Variants in EMSY observed in about 807,000 individuals in gnomAD.
EMSY encodes BRCA2-interacting transcriptional repressor EMSY.
EMSY carries 26 observed loss-of-function variants against 134.6 expected under a neutral mutation model. The ratio of observed to expected loss-of-function variants is 0.19; its 90% CI spans 0.14 to 0.27. The LOEUF is 0.27. Among genes scored for constraint, EMSY ranks in the 10% least tolerant of loss-of-function variants. The probability of loss-of-function intolerance (pLI) is 1.00; values close to 1 mark genes in which losing one functional copy is unlikely to be tolerated. For synonymous variants in EMSY, 579 were observed against 577.8 expected, an observed-to-expected ratio of 1.00 and a Z score of -0.03; for missense variants, 1,305 against 1,611.4, an observed-to-expected ratio of 0.81 and a Z score of 3.26.
intron 8 of EMSY, among the ~76,000 whole-genome samples, chr11:76,482,146 C>G (rs1022015950): frequency 1.3e-5 from 2 of 152,104 alleles, no homozygotes; most frequent in Non-Finnish European, 2.9e-5. Context: ...AGCAGACCTG[C>G]AGCAGAAGGG....
intron 8 of EMSY, among the ~76,000 whole-genome samples, chr11:76,486,455 T>G (rs1178757903): frequency 6.6e-6 from 1 of 152,110 alleles, no homozygotes; most frequent in African/African-American, 2.4e-5. Context: ...GGCATGAGTG[T>G]GGATGATTTT....
chr11:76,479,503 A>G (rs1039809896), intron 8 of EMSY, among the ~76,000 whole-genome samples: 1 of 152,226 alleles, frequency 6.6e-6, no homozygotes, highest in African/African-American at 2.4e-5. Context: ...GCCAAGACCT[A>G]TGTGCATCAC....
At chr11:76,496,800 G>A in intron 9 of EMSY, 2 of 343,244 alleles carry the variant, frequency 5.8e-6, no homozygotes, top group South Asian at 2.5e-5. Context: ...AGATTCCTTG[G>A]GATTTTCTGT....
At chr11:76,524,128 A>C (rs993794917) in intron 12 of EMSY, among the ~76,000 whole-genome samples, 3 of 152,152 alleles carry the variant, frequency 2.0e-5, no homozygotes, top group Non-Finnish European at 4.4e-5. Flanking sequence ...AGTTAGACAA[A>C]ACAGGGCTTT....
chr11:76,486,201 T>C (rs1482824328), intron 8 of EMSY, among the ~76,000 whole-genome samples: 3 of 151,308 alleles, frequency 2.0e-5, no homozygotes. Context: ...AGTTGAACAA[T>C]GAGAACACAT....
intron 4 of EMSY, among the ~76,000 whole-genome samples, chr11:76,457,295 T>C (rs1410803185): frequency 6.6e-6 from 1 of 152,222 alleles, no homozygotes; most frequent in Non-Finnish European, 1.5e-5. Context: ...TCAGATTTAG[T>C]GTGAAGAGAT....
intron 7 of EMSY, among the ~76,000 whole-genome samples, chr11:76,471,094 A>T (rs1948551694): frequency 6.6e-6 from 1 of 152,050 alleles, no homozygotes; most frequent in Admixed American, 6.6e-5. Context: ...TTCCACCACA[A>T]ATACCTTGTT....
At position 76,502,795 on chromosome 11, in the gene EMSY, A is replaced by G. The variant is rs1949924455; in HGVS notation, c.1363+6326A>G. On this transcript the variant is annotated intron_variant, in intron 9 of 20. Coordinates refer to ENST00000334736, the Ensembl canonical transcript of EMSY. ...ACATTGAAAGAAATTAAAGATCTAA[A>G]TAAATAGGAAAGCATACCATGCTCA... Among the ~76,000 whole-genome samples, 4 of 152,208 alleles carry G rather than the reference A, an allele frequency of 2.6e-5. No homozygotes were observed. The South Asian group carries it at 8.3e-4, about 32-fold the overall frequency.
intron 20 of EMSY, chr11:76,547,187 T>C (rs572211263): frequency 2.5e-5 from 9 of 356,620 alleles, no homozygotes; most frequent in African/African-American, 8.7e-5. Flanking sequence ...TTTTAGTTAA[T>C]TGAGAATTTG....
At chr11:76,478,145 A>G (rs1473501546) in intron 8 of EMSY, among the ~76,000 whole-genome samples, 2 of 151,742 alleles carry the variant, frequency 1.3e-5, no homozygotes, top group Non-Finnish European at 2.9e-5. Context: ...TCCCTGTGAA[A>G]TCCCCCCTTA....
chr11:76,551,657 A>G (rs1194637765), downstream of EMSY: 1 of 152,224 alleles, frequency 6.6e-6, no homozygotes, highest in Non-Finnish European at 1.5e-5. Context: ...ATATTATTTT[A>G]TTGTACAAAT....
intron 6 of EMSY, among the ~76,000 whole-genome samples, chr11:76,462,470 GCC>G (rs1338568348): frequency 1.3e-5 from 2 of 152,214 alleles, no homozygotes; most frequent in East Asian, 1.9e-4. Context: ...CCCTCTGGGA[GCC>G]CCTTACTAAT....
At position 76,522,352 on chromosome 11, in the gene EMSY, C is replaced by CTTTTTTTTTTTTTTTTTTTTTT. The variant is rs71040003; in HGVS notation, c.1685-794_1685-773dup. On this transcript the variant is annotated intron_variant, in intron 11 of 20. Coordinates refer to ENST00000334736, the Ensembl canonical transcript of EMSY. ...CTTGTTTTGTATATCGTTTACTTTG[C>CTTTTTTTTTTTTTTTTTTTTTT]TTTTTTTTTTTTTTTTTTTTTTTTT... 6.8e-5 allele frequency among the ~76,000 whole-genome samples: 3 copies of CTTTTTTTTTTTTTTTTTTTTTT among 44,222 alleles called. 1 individual carries two copies. Among genetic ancestry groups the CTTTTTTTTTTTTTTTTTTTTTT allele is most frequent in the Non-Finnish European group, 7.5e-5 (2 of 26,566 alleles). 29.0% of individuals were successfully genotyped at this position (44,222 alleles called of 152,430 possible). A position where few individuals can be genotyped will look rare whatever the true frequency, so the allele number is the denominator to read the frequency against.
Position 76,544,167 on chromosome 11 carries a change from T to C in EMSY, c.2710-92T>C. 3 of 1,307,424 alleles carry C rather than the reference T, an allele frequency of 2.3e-6. 1 individual carries two copies. The highest frequency in any genetic ancestry group is 3.1e-6 in the Non-Finnish European group (3 of 965,976). The allele number at this position is 1,307,424 out of a possible 1,614,324, so 81.0% of individuals were successfully genotyped here. A position where few individuals can be genotyped will look rare whatever the true frequency, so the allele number is the denominator to read the frequency against. On this transcript the variant is annotated intron_variant, in intron 18 of 20. Transcript: ENST00000334736. The stretch of plus-strand genomic sequence containing the variant: ...CTAGGTTCTTCTGAAAATTTTTGAG[T>C]GAATCTCGTAAGTCTTTTTCAGTTA...
intron 18 of EMSY, among the ~76,000 whole-genome samples, chr11:76,543,261 C>T (rs2136717849): frequency 6.6e-6 from 1 of 152,264 alleles, no homozygotes; most frequent in South Asian, 2.1e-4. Flanking sequence ...GAAAGAAAGG[C>T]AACGGAGAAT....
intron 10 of EMSY, among the ~76,000 whole-genome samples, chr11:76,515,212 G>A (rs558133773): frequency 2.0e-5 from 3 of 150,798 alleles, no homozygotes; most frequent in South Asian, 2.1e-4. Flanking sequence ...TTTTTGGGGG[G>A]GGGGAGGAGG....
At chr11:76,517,555 C>T (rs1365439429) in intron 11 of EMSY, among the ~76,000 whole-genome samples, 1 of 152,088 alleles carries the variant, frequency 6.6e-6, no homozygotes, top group Non-Finnish European at 1.5e-5. Flanking sequence ...TTTATAGTTT[C>T]ATATAGCTTG....
At chr11:76,463,778 A>G (rs200331695) in intron 6 of EMSY, 43 bp from the exon 8 acceptor site, 532 of 1,596,008 alleles carry the variant, frequency 3.3e-4, no homozygotes, top group Non-Finnish European at 6.8e-5. Flanking sequence ...ATAATGCAAG[A>G]TTAGTTTGGT....
chr11:76,516,486 A>G (rs1318849671), intron 11 of EMSY, 174 bp downstream of exon 12: 3 of 433,438 alleles, frequency 6.9e-6, no homozygotes, highest in Non-Finnish European at 1.2e-5. Flanking sequence ...AATATTCAAT[A>G]TTCACATATA....
Sources: gnomAD v4.1 joint callset for allele counts (sites outside exome capture counted in the v4.1 genomes callset) on GRCh38, gnomAD v4.1.1 for gene constraint, MANE v1.5 for transcripts, NCBI Gene and HGNC (gene_info 2026-07-23, HGNC 2026-07-21) for gene names.